The following NALF1 variants were observed in gnomAD, a reference collection of about 807,000 sequenced individuals.
NALF1 encodes the protein family with sequence similarity 155 member A.
NALF1 carries 3 observed loss-of-function variants against 48.4 expected under a neutral mutation model. The observed-to-expected ratio is 0.06, with a 90% CI of 0.03 to 0.16. The LOEUF (loss-of-function observed/expected upper bound fraction) is 0.16, where lower values mean the gene tolerates loss of function less well. Ranked by LOEUF, NALF1 falls within the 10% of genes least tolerant of loss-of-function variation. The probability of loss-of-function intolerance (pLI) is 1.00; values close to 1 mark genes in which losing one functional copy is unlikely to be tolerated. For missense variants in NALF1, 526 were observed against 571.5 expected (o/e 0.92, Z 0.81); for synonymous variants, 262 against 245.7 (o/e 1.07, Z -0.62).
At chr13:107,230,558 G>A (rs1227509922) in intron 1 of NALF1, among the ~76,000 whole-genome samples, 3 of 151,258 alleles carry the variant, frequency 2.0e-5, no homozygotes, top group Non-Finnish European at 4.4e-5. Context: ...GAATTATGGG[G>A]GGAAAATTAC....
chr13:107,625,078 T>C (rs969756926), intron 1 of NALF1, among the ~76,000 whole-genome samples: 1 of 152,136 alleles, frequency 6.6e-6, no homozygotes, highest in African/African-American at 2.4e-5. Flanking sequence ...GGCTGAGGAA[T>C]TGGCATCCCT....
chr13:107,461,437 T>C (rs1462642711), intron 1 of NALF1, among the ~76,000 whole-genome samples: 1 of 152,206 alleles, frequency 6.6e-6, no homozygotes, highest in Non-Finnish European at 1.5e-5. Flanking sequence ...CATTTTCCAG[T>C]TGCAGAAAAT....
rs1286133339 is a variant in NALF1, at chr13:107,188,212, A to G, written c.1088-17426T>C. 2.0e-5 allele frequency among the ~76,000 whole-genome samples: 3 copies of G among 152,286 alleles called. No individual in the cohort carries two copies. In the East Asian group the frequency reaches 5.8e-4, roughly 29 times the overall value. On this transcript the variant is annotated intron_variant, in intron 2 of 2. Coordinates refer to ENST00000375915, the MANE Select transcript of NALF1 (RefSeq NM_001080396.3). ...TGACTTTAATATCTCTTCATTTTAT[A>G]TTTGCTATGATAGTGATTTCACATG...
intron 1 of NALF1, among the ~76,000 whole-genome samples, chr13:107,290,096 T>C (rs1460338386): frequency 1.3e-5 from 2 of 151,904 alleles, no homozygotes; most frequent in African/African-American, 2.4e-5. Flanking sequence ...GTTGATTCCC[T>C]TTGTTAAGCT....
At chr13:107,316,032 T>C (rs1241355309) in intron 1 of NALF1, among the ~76,000 whole-genome samples, 1 of 152,144 alleles carries the variant, frequency 6.6e-6, no homozygotes, top group Non-Finnish European at 1.5e-5. Flanking sequence ...TATCTCCTAA[T>C]GCTATCCCTC....
chr13:107,405,864 G>A (rs190679105), intron 1 of NALF1, among the ~76,000 whole-genome samples: 86 of 152,172 alleles, frequency 5.7e-4, no homozygotes, highest in African/African-American at 1.9e-3. Context: ...CAGGGATCAC[G>A]CAGTAAATCA....
intron 1 of NALF1, among the ~76,000 whole-genome samples, chr13:107,281,766 A>G (rs1482252318): frequency 6.6e-6 from 1 of 152,176 alleles, no homozygotes; most frequent in Non-Finnish European, 1.5e-5. Context: ...GAAACTTACA[A>G]TCATGGTGGA....
At chr13:107,384,652 T>C (rs1181915337) in intron 1 of NALF1, among the ~76,000 whole-genome samples, 1 of 152,218 alleles carries the variant, frequency 6.6e-6, no homozygotes, top group East Asian at 1.9e-4. Flanking sequence ...CAGGCACAGA[T>C]AACATATGAA....
chr13:107,421,324 A>G (rs563102256), intron 1 of NALF1, among the ~76,000 whole-genome samples: 1 of 152,312 alleles, frequency 6.6e-6, no homozygotes, highest in East Asian at 1.9e-4. Context: ...AGAGAATTTT[A>G]ACTGCTCTAG....
intron 1 of NALF1, among the ~76,000 whole-genome samples, chr13:107,444,501 G>A (rs1160044069): frequency 7.0e-5 from 10 of 143,608 alleles, no homozygotes. Context: ...CTATAAATAA[G>A]AGAGTTGGAA....
intron 1 of NALF1, among the ~76,000 whole-genome samples, chr13:107,470,332 T>C (rs1017209219): frequency 6.6e-6 from 1 of 152,222 alleles, no homozygotes; most frequent in Non-Finnish European, 1.5e-5. Context: ...AAGTTCATGG[T>C]TGAACATTCT....
chr13:107,710,797 G>GTA (rs910087927), intron 1 of NALF1, among the ~76,000 whole-genome samples: 3 of 122,666 alleles, frequency 2.4e-5, no homozygotes, highest in African/African-American at 9.1e-5. Context: ...ACACATATAT[G>GTA]TATATATACA....
At chr13:107,629,986 C>T (rs1337944876) in intron 1 of NALF1, among the ~76,000 whole-genome samples, 1 of 152,070 alleles carries the variant, frequency 6.6e-6, no homozygotes, top group African/African-American at 2.4e-5. Context: ...ATCGATCATT[C>T]ATCTGTCTAT....
intron 1 of NALF1, among the ~76,000 whole-genome samples, chr13:107,561,845 G>C (rs1284934399): frequency 6.6e-6 from 1 of 152,144 alleles, no homozygotes; most frequent in Non-Finnish European, 1.5e-5. Flanking sequence ...ACTTCTCAAA[G>C]GCAGAGACAA....
intron 1 of NALF1, among the ~76,000 whole-genome samples, chr13:107,456,961 AT>A (rs1884834433): frequency 6.6e-6 from 1 of 152,058 alleles, no homozygotes; most frequent in South Asian, 2.1e-4. Context: ...CTTTAATTAA[AT>A]TTTTTTATTA....
intron 1 of NALF1, among the ~76,000 whole-genome samples, chr13:107,742,735 T>C (rs1463217642): frequency 1.3e-5 from 2 of 152,216 alleles, no homozygotes; most frequent in African/African-American, 4.8e-5. Context: ...TGCAGATCTT[T>C]TCTCACTAGA....
At chr13:107,452,936 G>A (rs80059780) in intron 1 of NALF1, among the ~76,000 whole-genome samples, 1 of 152,166 alleles carries the variant, frequency 6.6e-6, no homozygotes, top group East Asian at 1.9e-4. Context: ...GGGCAGTAAT[G>A]AAATCTTAAA....
At chr13:107,455,975 T>A (rs1260846363) in intron 1 of NALF1, among the ~76,000 whole-genome samples, 2 of 152,224 alleles carry the variant, frequency 1.3e-5, no homozygotes, top group African/African-American at 4.8e-5. Flanking sequence ...ATAAAGTTGC[T>A]ATAAACATTT....
At chr13:107,206,246 T>G (rs750690016) in intron 2 of NALF1, among the ~76,000 whole-genome samples, 1 of 152,212 alleles carries the variant, frequency 6.6e-6, no homozygotes, top group African/African-American at 2.4e-5. Flanking sequence ...GCAAAGTGTC[T>G]TTCCTTTTAT....
Sources: allele counts gnomAD v4.1 joint callset (sites outside exome capture counted in the v4.1 genomes callset), GRCh38; gene constraint gnomAD v4.1.1; transcripts MANE v1.5; gene names NCBI Gene and HGNC (gene_info 2026-07-23, HGNC 2026-07-21).